The following TAB1 variants were observed in gnomAD, a reference collection of about 807,000 sequenced individuals.
TAB1 encodes the protein TGF-beta-activated kinase 1 and MAP3K7-binding protein 1.
TAB1 carries 30 observed loss-of-function variants against 54.5 expected under a neutral mutation model. That is an observed-to-expected ratio of 0.55 (90% CI 0.41 to 0.75). The LOEUF (loss-of-function observed/expected upper bound fraction) is 0.75. Ranked by LOEUF, TAB1 falls within the 30% of genes least tolerant of loss-of-function variation. The probability of loss-of-function intolerance (pLI) is 0.00; values close to 1 mark genes in which losing one functional copy is unlikely to be tolerated. For synonymous variants in TAB1, 289 were observed against 286.9 expected, an observed-to-expected ratio of 1.01 and a Z score of -0.07; for missense variants, 609 against 683.2, an observed-to-expected ratio of 0.89 and a Z score of 1.21.
chr22:39,408,213 A>G (rs1926451846), intron 1 of TAB1, among the ~76,000 whole-genome samples: 1 of 152,244 alleles, frequency 6.6e-6, no homozygotes, highest in South Asian at 2.1e-4. Context: ...ATATCTAGAC[A>G]CTATTCACGG....
chr22:39,429,020 T>C lies in TAB1; in HGVS notation c.1307+837T>C, dbSNP rs117758305. The C allele has an allele frequency of 3.0e-4, 292 of 982,864 alleles. 5 individuals carry two copies. In the East Asian group the frequency reaches 0.025, roughly 83 times the overall value. 60.9% of individuals were successfully genotyped at this position (982,864 alleles called of 1,614,324 possible). A position where few individuals can be genotyped will look rare whatever the true frequency, so the allele number is the denominator to read the frequency against. On this transcript the variant is annotated intron_variant, in intron 10 of 10. Transcript: ENST00000216160. ...TCTCCAGCACCCCTGCCGGGCTGCC[T>C]GGAGGAGTCCTCCAGCTGTGTCCAC...
chr22:39,430,139 G>A lies in TAB1; in HGVS notation c.1432G>A (p.Val478Ile), dbSNP rs1927521945. 1 of 1,614,020 alleles carries A rather than the reference G, an allele frequency of 6.2e-7. No individual in the cohort carries two copies. Among genetic ancestry groups the A allele is most frequent in the Non-Finnish European group, 8.5e-7 (1 of 1,180,048 alleles). ...HSLPPGEDGR[V>I]EPYVDFAEFY... ...GCTCCCGCCTGGCGAGGACGGTCGTGTTGAGCCCTATGTGGACTTTGCTGA... is the reference window on the plus strand; with the variant it reads ...GCTCCCGCCTGGCGAGGACGGTCGTATTGAGCCCTATGTGGACTTTGCTGA... Residue 478 changes from valine to isoleucine, a missense_variant, in exon 11 of 11, where the codon GTT becomes ATT. By Grantham distance (29) the Val-to-Ile change is conservative. Coordinates refer to ENST00000216160, the MANE Select transcript of TAB1 (RefSeq NM_006116.3).
intron 1 of TAB1, among the ~76,000 whole-genome samples, chr22:39,401,835 G>C (rs1181557932): frequency 2.0e-5 from 3 of 152,152 alleles, no homozygotes; most frequent in Admixed American, 2.0e-4. Flanking sequence ...TGGTGTGTAG[G>C]GCTTGCTGAT....
At position 39,428,085 on chromosome 22, in the gene TAB1, C is replaced by G. The variant is rs1369224892; in HGVS notation, c.1209C>G (p.Thr403=). ...CCAGCGCCCAGAGCACCAGCAAGAC[C>G]AGCGTGACCCTCTCCCTTGTCATGC... ...PYSSAQSTSK[T]SVTLSLVMPS... Residue 403 remains threonine (T), a synonymous_variant, in exon 10 of 11, where the codon ACC becomes ACG. Transcript: ENST00000216160. 4.3e-6 allele frequency: 7 copies of G among 1,613,848 alleles called. No individual in the cohort carries two copies. Among genetic ancestry groups the G allele is most frequent in the Non-Finnish European group, 5.9e-6 (7 of 1,179,762 alleles).
At chr22:39,427,381 G>GCCCCAAGGCCTGTCTGT (rs1927395868) in intron 9 of TAB1, among the ~76,000 whole-genome samples, 1 of 152,226 alleles carries the variant, frequency 6.6e-6, no homozygotes, top group Non-Finnish European at 1.5e-5. Flanking sequence ...AGATGGTCAG[G>GCCCCAAGGCCTGTCTGT]CCCCAAGGCC....
In TAB1 at chr22:39,421,761, A is replaced by G; in HGVS notation, c.777-66A>G. The G allele has an allele frequency of 1.2e-5, 19 of 1,557,006 alleles. No individual in the cohort carries two copies. The South Asian group carries it at 2.2e-4, about 18-fold the overall frequency. The stretch of plus-strand genomic sequence containing the variant: ...ATTCTGGGCATAGATTCCTCCCCTC[A>G]GCAGAATCAGCATCCACCTGCGGGC... On this transcript the variant is annotated intron_variant, in intron 7 of 10. Transcript: ENST00000216160.
chr22:39,419,484 A>G (rs1181841482), intron 6 of TAB1, 35 bp from the exon 7 acceptor site: 3 of 1,526,106 alleles, frequency 2.0e-6, no homozygotes, highest in Admixed American at 1.8e-5. Flanking sequence ...CTTTGTGAAC[A>G]AGAAGCAGGA....
Position 39,431,670 on chromosome 22 carries a change from G to T in TAB1, c.*1448G>T, listed in dbSNP as rs1319111206. 1.2e-5 allele frequency: 12 copies of T among 985,354 alleles called. No homozygotes were observed. The highest frequency in any genetic ancestry group is 6.2e-5 in the Admixed American group (1 of 16,260). The allele number at this position is 985,354 out of a possible 1,614,324, so 61.0% of individuals were successfully genotyped here. On this transcript the variant is annotated 3_prime_UTR_variant, in exon 11 of 11. Coordinates refer to ENST00000216160, the MANE Select transcript of TAB1 (RefSeq NM_006116.3). ...AGAAATGGAAGAAAAACAGGTCTCA[G>T]CCCAGGGTCCTCGCTCACTCCCTCA... is the stretch of plus-strand genomic sequence containing the variant.
At position 39,428,143 on chromosome 22, in the gene TAB1, A is replaced by G. The variant is rs745615470; in HGVS notation, c.1267A>G (p.Ser423Gly). ...GGGCCAGATGGTCAACGGGGCTCAC[A>G]GTGCTTCCACCCTGGACGAAGCCAC... ...SQGQMVNGAH[S>G]ASTLDEATPT... The change falls in exon 10 of 11, where the codon AGT (serine) becomes GGT (glycine). Residue 423 changes from serine to glycine, a missense_variant. Coordinates refer to ENST00000216160, the MANE Select transcript of TAB1 (RefSeq NM_006116.3). 11 of 1,613,462 alleles carry G rather than the reference A, an allele frequency of 6.8e-6. No homozygotes were observed. Among genetic ancestry groups the G allele is most frequent in the Non-Finnish European group, 9.3e-6 (11 of 1,179,536 alleles).
At chr22:39,408,265 G>A (rs1024035930) in intron 1 of TAB1, among the ~76,000 whole-genome samples, 3 of 152,296 alleles carry the variant, frequency 2.0e-5, no homozygotes, top group East Asian at 1.9e-4. Flanking sequence ...ATTGATTGCC[G>A]TCAGACACAC....
At chr22:39,416,978 A>T in intron 4 of TAB1, 101 bp downstream of exon 4, 4 of 1,204,762 alleles carry the variant, frequency 3.3e-6, no homozygotes, top group Non-Finnish European at 4.8e-6. Context: ...CCAGAGCAAC[A>T]GGCGTTAGGG....
intron 8 of TAB1, among the ~76,000 whole-genome samples, chr22:39,426,304 G>A (rs575586278): frequency 2.6e-5 from 4 of 152,352 alleles, no homozygotes; most frequent in African/African-American, 7.2e-5. Context: ...CAAAATCCTA[G>A]CATGTATAAC....
In TAB1 at chr22:39,426,154, C is replaced by T. The variant is rs118124761; in HGVS notation, c.922-549C>T. Among the ~76,000 whole-genome samples the T allele has an allele frequency of 1.7e-3, 255 of 152,318 alleles. 3 individuals are homozygous for T. In the East Asian group the frequency reaches 0.043, roughly 25 times the overall value. On this transcript the variant is annotated intron_variant, in intron 8 of 10. Transcript: ENST00000216160. ...GATTACAGGCGCAAGCCACTGTGCC[C>T]GGTCAACTTATGATATTTTCAACTT...
downstream of TAB1, chr22:39,433,560 G>T: frequency 4.1e-6 from 4 of 985,468 alleles, no homozygotes; most frequent in Non-Finnish European, 4.8e-6. Context: ...GGGGCAGGTG[G>T]TCTGAGGGCG....
rs564051948 is a variant in TAB1 at position 39,414,117 on chromosome 22, T to A, written c.34-889T>A. Among the ~76,000 whole-genome samples the A allele has an allele frequency of 3.5e-4, 54 of 152,202 alleles. 3 individuals are homozygous for A. In the South Asian group the frequency reaches 0.011, roughly 32 times the overall value. On this transcript the variant is annotated intron_variant, in intron 1 of 10. Coordinates refer to ENST00000216160, the MANE Select transcript of TAB1 (RefSeq NM_006116.3). ...TTGCAGACAGGCAGGGATGCTGGAA[T>A]CAGGGTGCCGTTGGGGTACATGAGA...
In TAB1 at chr22:39,426,700, C is replaced by G; in HGVS notation, c.922-3C>G. The G allele has an allele frequency of 6.3e-7, 1 of 1,595,640 alleles. No homozygotes were observed. Among genetic ancestry groups the G allele is most frequent in the Non-Finnish European group, 8.6e-7 (1 of 1,165,548 alleles). On this transcript the variant is annotated splice_region_variant and splice_polypyrimidine_tract_variant and intron_variant, in intron 8 of 10. Transcript: ENST00000216160. ...ACCAGGTTCTTCCTACCCCCTCCCC[C>G]AGGAGATTGCTGCGATGATTGACAC...
chr22:39,429,458 G>T, intron 10 of TAB1: 7 of 702,772 alleles, frequency 1.0e-5, no homozygotes, highest in Non-Finnish European at 1.2e-5. Context: ...GCTATTAGAC[G>T]CTTGAACTGA....
intron 1 of TAB1, among the ~76,000 whole-genome samples, chr22:39,413,647 A>G (rs1252547684): frequency 6.6e-6 from 1 of 152,046 alleles, no homozygotes; most frequent in African/African-American, 2.4e-5. Context: ...CCGGTCTCAA[A>G]TTTCTGACAT....
chr22:39,415,453 C>T lies in TAB1; in HGVS notation c.171-47C>T, dbSNP rs559834644. On this transcript the variant is annotated intron_variant, in intron 2 of 10. Coordinates refer to ENST00000216160, the MANE Select transcript of TAB1 (RefSeq NM_006116.3). The surrounding 1 kb of genome is among the most constrained non-coding windows in gnomAD (Gnocchi z 4.9). The stretch of plus-strand genomic sequence containing the variant: ...TCCTTTCCCTTTCTCCCTCCACCTC[C>T]GTGAGACCCTGGTCTCAGGCCTCCC... 1.0e-5 allele frequency: 16 copies of T among 1,596,032 alleles called. No individual in the cohort carries two copies. Among genetic ancestry groups the T allele is most frequent in the East Asian group, 4.5e-5 (2 of 44,398 alleles).
Sources: gnomAD v4.1 joint callset for allele counts (sites outside exome capture counted in the v4.1 genomes callset) on GRCh38, gnomAD v4.1.1 for gene constraint, Gnocchi (gnomAD v3.1) non-coding constraint, MANE v1.5 for transcripts, NCBI Gene and HGNC (gene_info 2026-07-23, HGNC 2026-07-21) for gene names.